The following NSMCE2 variants were observed in gnomAD, a reference collection of about 807,000 sequenced individuals.
NSMCE2 encodes the protein E3 SUMO-protein ligase NSE2.
A neutral mutation model predicts 23.8 loss-of-function variants in NSMCE2; 24 were observed. That is an observed-to-expected ratio of 1.01 (90% CI 0.73 to 1.42). The LOEUF (loss-of-function observed/expected upper bound fraction) is 1.42, where lower values mean the gene tolerates loss of function less well. Ranked by LOEUF, NSMCE2 falls within the 40% of genes most tolerant of loss-of-function variation. NSMCE2 has a pLI of 0.00. For synonymous variants in NSMCE2, 92 were observed against 94.1 expected (o/e 0.98, Z 0.13); for missense variants, 284 against 296.5 (o/e 0.96, Z 0.31).
intron 5 of NSMCE2, among the ~76,000 whole-genome samples, chr8:125,293,111 TACA>T (rs986384933): frequency 6.6e-5 from 10 of 152,238 alleles, no homozygotes; most frequent in Non-Finnish European, 1.5e-4. Flanking sequence ...AATTTAATTA[TACA>T]ACAATAATAG....
At chr8:125,342,148 A>AG (rs1322761596) in intron 5 of NSMCE2, among the ~76,000 whole-genome samples, 4 of 152,196 alleles carry the variant, frequency 2.6e-5, no homozygotes, top group Non-Finnish European at 4.4e-5. Context: ...GGCACAGCCT[A>AG]GGCTCATAGA....
At chr8:125,300,783 AAGAC>A (rs1467576251) in intron 5 of NSMCE2, among the ~76,000 whole-genome samples, 1 of 152,118 alleles carries the variant, frequency 6.6e-6, no homozygotes, top group Non-Finnish European at 1.5e-5. Flanking sequence ...GAGAGGAAGA[AAGAC>A]AGGAAGGGGC....
chr8:125,177,989 ACT>A (rs1822580405), intron 4 of NSMCE2, among the ~76,000 whole-genome samples: 1 of 152,012 alleles, frequency 6.6e-6, no homozygotes, highest in African/African-American at 2.4e-5. Flanking sequence ...AGGCATCATT[ACT>A]CTCTTGTCTT....
rs546715905 is a variant in NSMCE2, at chr8:125,238,015, A to C, written c.418+55759A>C. ...TTCCACACCTGTATGGATGAAGAGA[A>C]TATATATTGTAGATGCTAGATCATG... On this transcript the variant is annotated intron_variant, in intron 5 of 7. Coordinates refer to ENST00000287437, the MANE Select transcript of NSMCE2 (RefSeq NM_173685.4). 5.9e-5 allele frequency among the ~76,000 whole-genome samples: 9 copies of C among 152,260 alleles called. No homozygotes were observed. The East Asian group carries it at 1.7e-3, about 29-fold the overall frequency.
intron 5 of NSMCE2, among the ~76,000 whole-genome samples, chr8:125,206,007 C>T (rs974430820): frequency 9.2e-5 from 14 of 152,112 alleles, no homozygotes; most frequent in African/African-American, 3.4e-4. Flanking sequence ...ACAGAGATTT[C>T]TGTGTGATGT....
chr8:125,182,178 A>T lies in NSMCE2; in HGVS notation c.340A>T (p.Lys114Ter). The T allele has an allele frequency of 6.2e-7, 1 of 1,606,684 alleles. No homozygotes were observed. Among genetic ancestry groups the T allele is most frequent in the Non-Finnish European group, 8.5e-7 (1 of 1,175,544 alleles). ...GAAGAAATTTTTGGCTTTACAGAGC[A>T]AGAATTCTGATGCAGACTTTCAAAA... ...VEKKFLALQSKNSDADFQNNE... is the reference protein window; with the variant it reads ...VEKKFLALQS The change falls in exon 5 of 8, where the codon AAG (lysine) becomes TAG (stop). Residue 114 changes from lysine to a stop codon, truncating the protein, a stop_gained. Transcript: ENST00000287437. LOFTEE classifies it high-confidence loss of function.
intron 5 of NSMCE2, among the ~76,000 whole-genome samples, chr8:125,221,725 A>G (rs1016065030): frequency 7.2e-5 from 11 of 152,244 alleles, no homozygotes; most frequent in African/African-American, 2.7e-4. Context: ...GCTTACACAC[A>G]TAGCCTGAAG....
intron 5 of NSMCE2, among the ~76,000 whole-genome samples, chr8:125,213,501 T>C (rs1419187107): frequency 1.9e-5 from 1 of 51,650 alleles, no homozygotes; most frequent in East Asian, 7.4e-4. Context: ...TCTCCTCTCC[T>C]CTCCTCTCCT....
chr8:125,197,381 G>A (rs878868238), intron 5 of NSMCE2, among the ~76,000 whole-genome samples: 1 of 152,194 alleles, frequency 6.6e-6, no homozygotes, highest in Non-Finnish European at 1.5e-5. Flanking sequence ...TGTATAAGGT[G>A]TAAGGAAGGG....
At chr8:125,130,531 T>A (rs1819723302) in intron 3 of NSMCE2, among the ~76,000 whole-genome samples, 1 of 152,086 alleles carries the variant, frequency 6.6e-6, no homozygotes, top group Non-Finnish European at 1.5e-5. Flanking sequence ...TGCCTTAGGA[T>A]CAGCTATTTT....
chr8:125,365,320 G>A (rs1007237123), intron 7 of NSMCE2, among the ~76,000 whole-genome samples: 2 of 152,014 alleles, frequency 1.3e-5, no homozygotes, highest in African/African-American at 4.8e-5. Context: ...CCACTCCATC[G>A]GCAAGTCCTA....
intron 5 of NSMCE2, among the ~76,000 whole-genome samples, chr8:125,254,829 A>G (rs1182084185): frequency 1.3e-5 from 2 of 152,196 alleles, no homozygotes; most frequent in African/African-American, 2.4e-5. Flanking sequence ...TCAGCAAACA[A>G]ATGCCATGCC....
chr8:125,361,522 C>CTGTTG (rs1277888848), intron 7 of NSMCE2, among the ~76,000 whole-genome samples: 2 of 152,132 alleles, frequency 1.3e-5, no homozygotes, highest in African/African-American at 4.8e-5. Context: ...CAACACTTAC[C>CTGTTG]AACAAGCCAT....
chr8:125,150,816 T>A (rs1820972060), intron 3 of NSMCE2, among the ~76,000 whole-genome samples: 1 of 152,160 alleles, frequency 6.6e-6, no homozygotes, highest in African/African-American at 2.4e-5. Flanking sequence ...CAGAGCTGCT[T>A]AATGGATGAG....
chr8:125,314,961 G>A (rs1829120853), intron 5 of NSMCE2, among the ~76,000 whole-genome samples: 1 of 152,180 alleles, frequency 6.6e-6, no homozygotes, highest in South Asian at 2.1e-4. Context: ...GGGGATCAAG[G>A]AGGACCTCAG....
chr8:125,286,274 T>G (rs968087623), intron 5 of NSMCE2, among the ~76,000 whole-genome samples: 3 of 152,148 alleles, frequency 2.0e-5, no homozygotes, highest in Non-Finnish European at 4.4e-5. Flanking sequence ...CTCTTCCAGA[T>G]TTGCCCAATA....
chr8:125,127,070 G>A (rs1172642879), intron 3 of NSMCE2: 1 of 152,182 alleles, frequency 6.6e-6, no homozygotes. Flanking sequence ...CTAGCTCTGT[G>A]AGTTTGAACC....
At chr8:125,364,082 T>C (rs1346205951) in intron 7 of NSMCE2, among the ~76,000 whole-genome samples, 1 of 152,064 alleles carries the variant, frequency 6.6e-6, no homozygotes, top group Non-Finnish European at 1.5e-5. Flanking sequence ...TAGCTGGGAT[T>C]ACAGGCATGC....
chr8:125,319,033 T>G (rs1829320793), intron 5 of NSMCE2, among the ~76,000 whole-genome samples: 1 of 152,046 alleles, frequency 6.6e-6, no homozygotes, highest in Non-Finnish European at 1.5e-5. Flanking sequence ...TCTAATGGAT[T>G]AGAGAGAACA....
Sources: gnomAD v4.1 joint callset for allele counts (sites outside exome capture counted in the v4.1 genomes callset) on GRCh38, gnomAD v4.1.1 for gene constraint, MANE v1.5 for transcripts, NCBI Gene and HGNC (gene_info 2026-07-23, HGNC 2026-07-21) for gene names.